The following RORA variants were observed in gnomAD, a reference collection of about 807,000 sequenced individuals.
RORA encodes the protein nuclear receptor ROR-alpha.
RORA carries 7 observed loss-of-function variants against 69.5 expected under a neutral mutation model. The observed-to-expected ratio is 0.10, with a 90% CI of 0.06 to 0.19. RORA has a LOEUF of 0.19. Among genes scored for constraint, RORA ranks in the 10% least tolerant of loss-of-function variants. The pLI is 1.00. For synonymous variants in RORA, 261 were observed against 240.8 expected (o/e 1.08, Z -0.78); for missense variants, 457 against 663.0 (o/e 0.69, Z 3.41).
intron 1 of RORA, among the ~76,000 whole-genome samples, chr15:60,716,214 A>G (rs2071217213): frequency 6.6e-6 from 1 of 152,194 alleles, no homozygotes; most frequent in South Asian, 2.1e-4. Flanking sequence ...AAGCCCACTT[A>G]ACACTGTTCT....
At chr15:60,937,255 C>T (rs1892552100) in intron 1 of RORA, among the ~76,000 whole-genome samples, 1 of 152,150 alleles carries the variant, frequency 6.6e-6, no homozygotes, top group South Asian at 2.1e-4. Flanking sequence ...ACTTTAGGAC[C>T]AGTGTAGGCA....
At chr15:60,894,660 C>T (rs1891182697) in intron 1 of RORA, among the ~76,000 whole-genome samples, 1 of 152,184 alleles carries the variant, frequency 6.6e-6, no homozygotes, top group South Asian at 2.1e-4. Flanking sequence ...TTGCTGGGCT[C>T]CCTCCCTAGA....
chr15:60,557,905 CT>C (rs2067414584), intron 2 of RORA, among the ~76,000 whole-genome samples: 1 of 152,122 alleles, frequency 6.6e-6, no homozygotes. Flanking sequence ...AGAAATATTT[CT>C]AAATTATGAC....
At chr15:61,193,358 C>T (rs2079818351) in intron 1 of RORA, among the ~76,000 whole-genome samples, 1 of 152,194 alleles carries the variant, frequency 6.6e-6, no homozygotes, top group South Asian at 2.1e-4. Flanking sequence ...TATACTGCTG[C>T]AGGGTGGAGA....
chr15:60,701,002 C>T (rs1343374339), intron 1 of RORA, among the ~76,000 whole-genome samples: 2 of 152,146 alleles, frequency 1.3e-5, no homozygotes, highest in Non-Finnish European at 2.9e-5. Context: ...TTGGGTTTGC[C>T]TCCACCCCGA....
At position 60,497,385 on chromosome 15, in the gene RORA, T is replaced by A; in HGVS notation, c.*70A>T. 1 of 1,418,394 alleles carries A rather than the reference T, an allele frequency of 7.1e-7. No individual in the cohort carries two copies. The highest frequency in any genetic ancestry group is 9.9e-7 in the Non-Finnish European group (1 of 1,013,754). The allele number at this position is 1,418,394 out of a possible 1,614,324, so 87.9% of individuals were successfully genotyped here. Reference sequence around the variant, plus strand: ...TCTGTGCAGGGCCATATAAAGTGTCTCGGTTAATTTTTTTGTTTGTTTTTC... The same window carrying A: ...TCTGTGCAGGGCCATATAAAGTGTCACGGTTAATTTTTTTGTTTGTTTTTC... On this transcript the variant is annotated 3_prime_UTR_variant, in exon 11 of 11. Coordinates refer to ENST00000335670, the MANE Select transcript of RORA (RefSeq NM_134261.3).
chr15:61,086,111 G>A (rs1429579844), intron 1 of RORA, among the ~76,000 whole-genome samples: 1 of 152,218 alleles, frequency 6.6e-6, no homozygotes, highest in Non-Finnish European at 1.5e-5. Context: ...CAGACCTTCA[G>A]ATATTTACCT....
At chr15:61,032,234 T>C (rs1225987446) in intron 1 of RORA, among the ~76,000 whole-genome samples, 1 of 152,198 alleles carries the variant, frequency 6.6e-6, no homozygotes, top group Non-Finnish European at 1.5e-5. Flanking sequence ...TGGTTACCAT[T>C]TGTACAGATC....
chr15:60,554,239 C>A lies in RORA; in HGVS notation c.197-22388G>T, dbSNP rs969720693. ...TATAGCTATGACAGGGCCTGGGGTA[C>A]AGGATGGGTATTTGTTATGATTATT... On this transcript the variant is annotated intron_variant, in intron 2 of 10. Transcript: ENST00000335670. Among the ~76,000 whole-genome samples, 9 of 152,088 alleles carry A rather than the reference C, an allele frequency of 5.9e-5. No individual in the cohort carries two copies. The East Asian group carries it at 1.7e-3, about 29-fold the overall frequency.
chr15:61,138,744 A>G (rs1052577350), intron 1 of RORA, among the ~76,000 whole-genome samples: 5 of 152,182 alleles, frequency 3.3e-5, no homozygotes, highest in Admixed American at 3.3e-4. Context: ...AGGGGGAAAA[A>G]AAGCCATTCT....
chr15:60,747,915 T>C (rs902313606), intron 1 of RORA, among the ~76,000 whole-genome samples: 29 of 152,222 alleles, frequency 1.9e-4, no homozygotes, highest in Admixed American at 6.5e-5. Flanking sequence ...TTTTGTTTTA[T>C]AATTAATATA....
At chr15:61,002,533 T>C (rs866360166) in intron 1 of RORA, among the ~76,000 whole-genome samples, 1 of 152,160 alleles carries the variant, frequency 6.6e-6, no homozygotes, top group South Asian at 2.1e-4. Context: ...CAATACCATA[T>C]AAAAATATTA....
At chr15:60,923,266 C>T (rs541450610) in intron 1 of RORA, among the ~76,000 whole-genome samples, 3 of 152,288 alleles carry the variant, frequency 2.0e-5, no homozygotes, top group Non-Finnish European at 4.4e-5. Context: ...AAGTTCTTAC[C>T]ACGTTTTATT....
intron 1 of RORA, among the ~76,000 whole-genome samples, chr15:60,727,163 C>A (rs2071369985): frequency 1.3e-5 from 2 of 152,128 alleles, no homozygotes; most frequent in South Asian, 2.1e-4. Flanking sequence ...TTGAACTCAC[C>A]CATTGCTTTC....
chr15:60,628,206 T>C (rs35784313), intron 2 of RORA, among the ~76,000 whole-genome samples: 13,335 of 152,310 alleles, frequency 0.088, 648 homozygotes, highest in Non-Finnish European at 0.11. Context: ...TTAGCTGTCA[T>C]GTCTCTTTTG....
intron 1 of RORA, among the ~76,000 whole-genome samples, chr15:61,003,214 T>A (rs1460297793): frequency 6.6e-6 from 1 of 152,110 alleles, no homozygotes; most frequent in Non-Finnish European, 1.5e-5. Context: ...GTATCCATTA[T>A]ATAGGCTATA....
At chr15:60,688,074 T>C (rs1216933465) in intron 1 of RORA, among the ~76,000 whole-genome samples, 2 of 152,050 alleles carry the variant, frequency 1.3e-5, no homozygotes, top group African/African-American at 4.8e-5. Flanking sequence ...AGCAAAACAT[T>C]CAAGGGAACA....
intron 2 of RORA, among the ~76,000 whole-genome samples, chr15:60,625,199 C>T (rs376018541): frequency 1.3e-5 from 2 of 151,966 alleles, no homozygotes; most frequent in Admixed American, 6.5e-5. Context: ...AGACACAGAC[C>T]GGGCTTCAGA....
At chr15:60,822,507 A>G (rs999109260) in intron 1 of RORA, among the ~76,000 whole-genome samples, 4 of 152,290 alleles carry the variant, frequency 2.6e-5, no homozygotes, top group African/African-American at 9.6e-5. Context: ...ATCCAGATCC[A>G]GTTCTTTCAT....
Sources: gnomAD v4.1 joint callset for allele counts (sites outside exome capture counted in the v4.1 genomes callset) on GRCh38, gnomAD v4.1.1 for gene constraint, MANE v1.5 for transcripts, NCBI Gene and HGNC (gene_info 2026-07-23, HGNC 2026-07-21) for gene names.